The following RELCH variants were observed in gnomAD, a reference collection of about 807,000 sequenced individuals.
RELCH encodes RAB11 binding and LisH domain, coiled-coil and HEAT repeat containing.
A neutral mutation model predicts 150.3 loss-of-function variants in RELCH; 41 were observed. The ratio of observed to expected loss-of-function variants is 0.27; its 90% CI spans 0.21 to 0.35. The LOEUF (loss-of-function observed/expected upper bound fraction) is 0.35. Among genes scored for constraint, RELCH ranks in the 10% least tolerant of loss-of-function variants. RELCH has a pLI of 1.00. For synonymous variants in RELCH, 478 were observed against 531.8 expected (o/e 0.90, Z 1.39); for missense variants, 1,092 against 1,467.8 (o/e 0.74, Z 4.18).
At position 62,221,493 on chromosome 18, in the gene RELCH, A is replaced by C; in HGVS notation, c.854A>C (p.Asp285Ala). The C allele has an allele frequency of 7.0e-7, 1 of 1,423,400 alleles. No homozygotes were observed. The highest frequency in any genetic ancestry group is 9.6e-7 in the Non-Finnish European group (1 of 1,038,542). 88.2% of individuals were successfully genotyped at this position (1,423,400 alleles called of 1,614,324 possible). A position where few individuals can be genotyped will look rare whatever the true frequency, so the allele number is the denominator to read the frequency against. The change falls in exon 5 of 29, where the codon GAT (aspartate) becomes GCT (alanine). Residue 285 changes from aspartate (D) to alanine (A), a missense_variant. Asp to Ala is a moderately radical substitution (Grantham distance 126, BLOSUM62 -2). This residue lies in a region of RELCH where 190 missense variants were observed against 276.2 expected (regional missense o/e 0.69). Transcript: ENST00000644646. ...ATAACCTTTTCAGATGAAAACGATG[A>C]TCAGGTAAAGTTACTTTTTGTTTTT... ...TSITFSDEND[D>A]QDFELWDDVG...
chr18:62,262,428 AACAG>A lies in RELCH; in HGVS notation c.2350+774_2350+777del, dbSNP rs376155035. ...AAAGAATTATAACATTGAGAACATC[AACAG>A]ACAATCTTCTTGAATTTCATTTTTC... On this transcript the variant is annotated intron_variant, in intron 16 of 28. Transcript: ENST00000644646. 9.9e-4 allele frequency among the ~76,000 whole-genome samples: 151 copies of A among 152,196 alleles called. 1 individual carries two copies. The highest frequency in any genetic ancestry group is 3.5e-3 in the African/African-American group (147 of 41,554).
At chr18:62,299,082 C>T (rs1309441475) in intron 28 of RELCH, among the ~76,000 whole-genome samples, 4 of 152,170 alleles carry the variant, frequency 2.6e-5, no homozygotes, top group South Asian at 2.1e-4. Context: ...CCATGCCCTG[C>T]GCCTTCTCTC....
intron 11 of RELCH, among the ~76,000 whole-genome samples, 168 bp downstream of exon 11, chr18:62,245,044 A>G (rs1490493494): frequency 6.6e-6 from 1 of 152,170 alleles, no homozygotes; most frequent in Non-Finnish European, 1.5e-5. Flanking sequence ...TCATGGTTTC[A>G]AAACCTACGA....
intron 16 of RELCH, 26 bp from the exon 17 acceptor site, chr18:62,263,963 A>T (rs1326938378): frequency 6.3e-7 from 1 of 1,593,300 alleles, no homozygotes. Context: ...TTTCCATATG[A>T]TTTATTTTGC....
At chr18:62,286,109 A>AAC (rs2044777049) in intron 25 of RELCH, 1 of 152,176 alleles carries the variant, frequency 6.6e-6, no homozygotes, top group Non-Finnish European at 1.5e-5. Context: ...AAACCTTGTA[A>AAC]AAAGGTCAGA....
chr18:62,267,454 GTA>G (rs1555743285), intron 19 of RELCH, among the ~76,000 whole-genome samples: 1 of 147,490 alleles, frequency 6.8e-6, no homozygotes, highest in Non-Finnish European at 1.5e-5. Context: ...GTGTGTGTGT[GTA>G]TAGAATATAT....
intron 10 of RELCH, among the ~76,000 whole-genome samples, chr18:62,238,024 G>A (rs1716539250): frequency 6.6e-6 from 1 of 151,642 alleles, no homozygotes; most frequent in South Asian, 2.1e-4. Context: ...GATGCAATTG[G>A]TTGTAACAGT....
At chr18:62,227,127 A>C (rs1367760995) in intron 5 of RELCH, among the ~76,000 whole-genome samples, 162 bp from the exon 6 acceptor site, 1 of 151,610 alleles carries the variant, frequency 6.6e-6, no homozygotes, top group East Asian at 1.9e-4. Flanking sequence ...CAGGAGTTTG[A>C]GGCTACAGTG....
intron 15 of RELCH, among the ~76,000 whole-genome samples, chr18:62,259,018 G>T (rs2043128395): frequency 6.6e-6 from 1 of 152,010 alleles, no homozygotes; most frequent in Non-Finnish European, 1.5e-5. Context: ...AGAATGCAGA[G>T]AAAATGAGTC....
At chr18:62,190,662 C>T (rs1247898684) in intron 1 of RELCH, among the ~76,000 whole-genome samples, 3 of 152,184 alleles carry the variant, frequency 2.0e-5, no homozygotes, top group Non-Finnish European at 2.9e-5. Flanking sequence ...AATATCCTTA[C>T]TTCCATCTAG....
chr18:62,291,937 C>T (rs1475407661), intron 27 of RELCH, among the ~76,000 whole-genome samples: 1 of 152,140 alleles, frequency 6.6e-6, no homozygotes, highest in African/African-American at 2.4e-5. Flanking sequence ...CATCAACTTT[C>T]TTAAGTGCAG....
At chr18:62,247,936 A>G (rs1038458865) in intron 11 of RELCH, among the ~76,000 whole-genome samples, 2 of 152,132 alleles carry the variant, frequency 1.3e-5, no homozygotes, top group Non-Finnish European at 2.9e-5. Flanking sequence ...GGTTTCAATA[A>G]TTTCCAGAAA....
chr18:62,224,716 TA>T (rs1250345227), intron 5 of RELCH, among the ~76,000 whole-genome samples: 1 of 152,152 alleles, frequency 6.6e-6, no homozygotes, highest in Non-Finnish European at 1.5e-5. Context: ...CACTGAAAGC[TA>T]CTTAACATTG....
At chr18:62,235,250 A>G (rs1324043086) in intron 10 of RELCH, 1 of 152,032 alleles carries the variant, frequency 6.6e-6, no homozygotes, top group Non-Finnish European at 1.5e-5. Flanking sequence ...TAGTCTTGCT[A>G]CTTTTGTCAA....
At chr18:62,291,013 T>C (rs1461399970) in intron 26 of RELCH, among the ~76,000 whole-genome samples, 1 of 152,242 alleles carries the variant, frequency 6.6e-6, no homozygotes, top group African/African-American at 2.4e-5. Context: ...CAGTTGTCTA[T>C]GATTTGCAGG....
intron 10 of RELCH, among the ~76,000 whole-genome samples, chr18:62,233,853 T>C (rs1040930624): frequency 2.0e-5 from 3 of 152,094 alleles, no homozygotes; most frequent in Non-Finnish European, 4.4e-5. Flanking sequence ...ACCATTAAAA[T>C]GATTGTACTG....
intron 25 of RELCH, among the ~76,000 whole-genome samples, chr18:62,283,157 T>C (rs898906504): frequency 1.3e-5 from 2 of 152,222 alleles, no homozygotes; most frequent in African/African-American, 4.8e-5. Context: ...TTTCTAGACA[T>C]GTTCTTATGA....
In RELCH at chr18:62,309,537, T is replaced by G. The variant is rs2045957718; in HGVS notation, c.*4003T>G. The G allele has an allele frequency of 6.6e-6, 1 of 152,162 alleles. No individual in the cohort carries two copies. Among genetic ancestry groups the G allele is most frequent in the Non-Finnish European group, 1.5e-5 (1 of 68,022 alleles). 9.4% of individuals were successfully genotyped at this position (152,162 alleles called of 1,614,324 possible). On this transcript the variant is annotated 3_prime_UTR_variant, in exon 29 of 29. Transcript: ENST00000644646. ...CTATTCTCTGTTAAGACCACACCAA[T>G]CATAAAGTACATAACAGTTAATATA...
At chr18:62,235,227 T>A (rs887526979) in intron 10 of RELCH, 11 of 152,058 alleles carry the variant, frequency 7.2e-5, no homozygotes, top group Admixed American at 4.6e-4. Context: ...GATAAAAAAA[T>A]TCCTCTTTTG....
Sources: allele counts gnomAD v4.1 joint callset (sites outside exome capture counted in the v4.1 genomes callset), GRCh38; gene constraint gnomAD v4.1.1; regional missense constraint gnomAD v4.1.1; transcripts MANE v1.5; gene names NCBI Gene and HGNC (gene_info 2026-07-23, HGNC 2026-07-21).